The following FGF14 variants were observed in gnomAD, a reference collection of about 807,000 sequenced individuals.
FGF14 encodes the protein fibroblast growth factor 14.
In FGF14, 5 loss-of-function variants were observed where a neutral mutation model predicts 25.5. That is an observed-to-expected ratio of 0.20 (90% CI 0.10 to 0.41). The LOEUF (loss-of-function observed/expected upper bound fraction) is 0.41. Ranked by LOEUF, FGF14 falls within the 10% of genes least tolerant of loss-of-function variation. FGF14 has a pLI of 1.00. For missense variants in FGF14, 222 were observed against 320.1 expected (o/e 0.69, Z 2.34); for synonymous variants, 138 against 118.3 (o/e 1.17, Z -1.08).
At chr13:101,905,207 C>G (rs1276401636) in intron 1 of FGF14, among the ~76,000 whole-genome samples, 1 of 152,090 alleles carries the variant, frequency 6.6e-6, no homozygotes, top group Non-Finnish European at 1.5e-5. Flanking sequence ...GCATCATGTT[C>G]TCTCAGAGGA....
chr13:101,820,749 A>G (rs1566940273), intron 3 of FGF14, among the ~76,000 whole-genome samples: 1 of 151,524 alleles, frequency 6.6e-6, no homozygotes, highest in Non-Finnish European at 1.5e-5. Context: ...GCTTATAGCT[A>G]CAGCTACAGT....
chr13:102,099,349 C>A (rs577085476), intron 1 of FGF14, among the ~76,000 whole-genome samples: 16 of 152,336 alleles, frequency 1.1e-4, no homozygotes, highest in African/African-American at 3.6e-4. Flanking sequence ...CGTGCTCTTG[C>A]ACCGCTAAGC....
chr13:102,301,798 C>T (rs1169180063), intron 1 of FGF14, among the ~76,000 whole-genome samples: 1 of 148,312 alleles, frequency 6.7e-6, no homozygotes, highest in Non-Finnish European at 1.5e-5. Context: ...CATTCTATAC[C>T]TCCTTTCTTC....
intron 3 of FGF14, among the ~76,000 whole-genome samples, chr13:101,826,507 TCCC>T (rs1291885672): frequency 6.6e-6 from 1 of 151,994 alleles, no homozygotes; most frequent in African/African-American, 2.4e-5. Context: ...ACCTCAAACT[TCCC>T]ATATCCCAAA....
At chr13:101,982,314 A>C (rs987622540) in intron 1 of FGF14, among the ~76,000 whole-genome samples, 2 of 152,138 alleles carry the variant, frequency 1.3e-5, no homozygotes, top group Admixed American at 1.3e-4. Context: ...AAAGTATTTG[A>C]TTGTTCACAG....
rs971387509 is a variant in FGF14 at position 102,109,613 on chromosome 13, TTTTG to T, written c.209-234321_209-234318del. On this transcript the variant is annotated intron_variant, in intron 1 of 4. Coordinates refer to the FGF14 transcript ENST00000376131. ...GAACTTTAAGAATGCTTGATAAGTTTTTTGTTTGTTTGTTTGTTTGTTTTTGAGA... is the reference window on the plus strand; with the variant it reads ...GAACTTTAAGAATGCTTGATAAGTTTTTTGTTTGTTTGTTTGTTTTTGAGA... 4.9e-4 allele frequency among the ~76,000 whole-genome samples: 74 copies of T among 152,148 alleles called. 1 individual carries two copies. Among genetic ancestry groups the T allele is most frequent in the African/African-American group, 1.1e-3 (44 of 41,536 alleles).
chr13:101,851,668 T>TCTC (rs1400072789), intron 3 of FGF14, among the ~76,000 whole-genome samples: 1 of 152,098 alleles, frequency 6.6e-6, no homozygotes, highest in Non-Finnish European at 1.5e-5. Flanking sequence ...CTCGCCTTTC[T>TCTC]CTCCTCCTCC....
chr13:102,226,333 T>C (rs996663080), intron 1 of FGF14, among the ~76,000 whole-genome samples: 1 of 152,216 alleles, frequency 6.6e-6, no homozygotes, highest in Non-Finnish European at 1.5e-5. Flanking sequence ...GTGAGGATTC[T>C]AGCTAATAGA....
At chr13:102,390,985 C>T (rs1021448202) in intron 1 of FGF14, among the ~76,000 whole-genome samples, 6 of 152,128 alleles carry the variant, frequency 3.9e-5, no homozygotes, top group African/African-American at 1.4e-4. Flanking sequence ...GAATAAATAT[C>T]ATTTTGGGTA....
At chr13:102,033,726 A>C (rs2139952092) in intron 1 of FGF14, among the ~76,000 whole-genome samples, 1 of 152,264 alleles carries the variant, frequency 6.6e-6, no homozygotes. Flanking sequence ...TCAGCAAGAA[A>C]GCTCACTGGC....
chr13:101,782,936 C>A (rs1156268168), intron 3 of FGF14, among the ~76,000 whole-genome samples: 1 of 152,138 alleles, frequency 6.6e-6, no homozygotes, highest in African/African-American at 2.4e-5. Flanking sequence ...GTCTTTAGGT[C>A]TTTGAGGAAT....
intron 1 of FGF14, among the ~76,000 whole-genome samples, chr13:102,288,543 A>G (rs937191671): frequency 6.6e-6 from 1 of 151,822 alleles, no homozygotes; most frequent in Non-Finnish European, 1.5e-5. Flanking sequence ...ATATATCTAT[A>G]CAGCTGATGT....
chr13:102,306,840 C>G (rs1372233635), intron 1 of FGF14, among the ~76,000 whole-genome samples: 1 of 152,106 alleles, frequency 6.6e-6, no homozygotes, highest in African/African-American at 2.4e-5. Context: ...CACATTCTAA[C>G]TTGTATGCAC....
chr13:101,783,468 C>CA (rs397722208), intron 3 of FGF14, among the ~76,000 whole-genome samples: 63,008 of 135,638 alleles, frequency 0.46, 15,916 homozygotes, highest in Middle Eastern at 0.6. Context: ...GACTCTGTCT[C>CA]AAAAAAAAAA....
intron 3 of FGF14, among the ~76,000 whole-genome samples, chr13:101,751,234 A>G (rs1371547241): frequency 6.6e-6 from 1 of 152,162 alleles, no homozygotes; most frequent in Non-Finnish European, 1.5e-5. Flanking sequence ...TGGCTCGTTC[A>G]TTATAAAATT....
chr13:102,022,901 T>C (rs950427211), intron 1 of FGF14, among the ~76,000 whole-genome samples: 2 of 152,078 alleles, frequency 1.3e-5, no homozygotes, highest in Non-Finnish European at 2.9e-5. Context: ...TTTCTCAATC[T>C]ATTAACAAAT....
intron 1 of FGF14, among the ~76,000 whole-genome samples, chr13:102,323,358 A>C (rs1180875630): frequency 6.6e-6 from 1 of 152,166 alleles, no homozygotes; most frequent in Non-Finnish European, 1.5e-5. Flanking sequence ...TAGTTCATTA[A>C]CTTGCTTCTT....
chr13:101,941,593 A>G (rs1483102622), intron 1 of FGF14, among the ~76,000 whole-genome samples: 1 of 152,194 alleles, frequency 6.6e-6, no homozygotes, highest in African/African-American at 2.4e-5. Context: ...TTTGGCATTG[A>G]ACCCAGGAAT....
chr13:101,843,301 A>AG (rs1346772313), intron 3 of FGF14, among the ~76,000 whole-genome samples: 3 of 152,066 alleles, frequency 2.0e-5, no homozygotes, highest in East Asian at 3.9e-4. Context: ...ACATGCATTT[A>AG]GGGGGCGATG....
Sources: gnomAD v4.1 joint callset for allele counts (sites outside exome capture counted in the v4.1 genomes callset) on GRCh38, gnomAD v4.1.1 for gene constraint, MANE v1.5 for transcripts, NCBI Gene and HGNC (gene_info 2026-07-23, HGNC 2026-07-21) for gene names.